Variants in TCTN3 observed in about 807,000 individuals in gnomAD.
TCTN3 encodes the protein tectonic-3.
TCTN3 carries 57 observed loss-of-function variants against 71.3 expected under a neutral mutation model. The ratio of observed to expected loss-of-function variants is 0.80; its 90% confidence interval spans 0.65 to 1.00. The LOEUF is 1.00. Ranked by LOEUF, TCTN3 falls within the 50% of genes least tolerant of loss-of-function variation. The pLI is 0.00. For missense variants in TCTN3, 696 were observed against 719.9 expected (o/e 0.97, Z 0.38); for synonymous variants, 258 against 267.8 (o/e 0.96, Z 0.36).
chr10:95,664,420 C>CAATATGAGATAAAGG, intron 13 of TCTN3, 120 bp from the exon 14 acceptor site: 2 of 827,790 alleles, frequency 2.4e-6, no homozygotes, highest in Non-Finnish European at 3.9e-6. Flanking sequence ...CAAGATATAC[C>CAATATGAGATAAAGG]TTTATCTCAT....
chr10:95,676,252 AT>A, intron 13 of TCTN3, among the ~76,000 whole-genome samples: 1 of 150,072 alleles, frequency 6.7e-6, no homozygotes, highest in East Asian at 1.9e-4. Context: ...AATAGAAAAT[AT>A]CTTTTTTTTT....
At chr10:95,690,704 A>G (rs1042673049) in intron 3 of TCTN3, among the ~76,000 whole-genome samples, 2 of 152,248 alleles carry the variant, frequency 1.3e-5, no homozygotes, top group Non-Finnish European at 2.9e-5. Context: ...CTGGCTAAGA[A>G]GCTGGATGTT....
intron 13 of TCTN3, among the ~76,000 whole-genome samples, chr10:95,668,360 T>A (rs2097927704): frequency 6.6e-6 from 1 of 150,710 alleles, no homozygotes; most frequent in Non-Finnish European, 1.5e-5. Flanking sequence ...GAGTAAAAAA[T>A]TTGGTATAAT....
At chr10:95,674,267 C>A (rs1280011105) in intron 13 of TCTN3, among the ~76,000 whole-genome samples, 2 of 151,958 alleles carry the variant, frequency 1.3e-5, no homozygotes, top group African/African-American at 4.8e-5. Flanking sequence ...CTAAATTGTT[C>A]CTAAGTAATT....
At chr10:95,685,693 C>A in intron 7 of TCTN3, 57 bp from the exon 8 acceptor site, 1 of 1,337,544 alleles carries the variant, frequency 7.5e-7, no homozygotes, top group Non-Finnish European at 1.0e-6. Context: ...TGTCTTGTAT[C>A]TATTAATAGA....
At chr10:95,684,066 T>G (rs1265509995) in intron 9 of TCTN3, among the ~76,000 whole-genome samples, 1 of 152,160 alleles carries the variant, frequency 6.6e-6, no homozygotes, top group African/African-American at 2.4e-5. Context: ...AAATCTATGC[T>G]GGGTTCAAAA....
chr10:95,680,401 G>C, intron 13 of TCTN3, 71 bp downstream of exon 13: 1 of 1,498,848 alleles, frequency 6.7e-7, no homozygotes, highest in Non-Finnish European at 8.9e-7. Flanking sequence ...AAAATTATTT[G>C]GTTAACAAAT....
intron 13 of TCTN3, 65 bp downstream of exon 13, chr10:95,680,407 C>G: frequency 6.6e-7 from 1 of 1,519,898 alleles, no homozygotes; most frequent in Non-Finnish European, 8.8e-7. Flanking sequence ...ATTTGGTTAA[C>G]AAATGACTGA....
chr10:95,679,842 G>A (rs1476879938), intron 13 of TCTN3, among the ~76,000 whole-genome samples: 2 of 151,852 alleles, frequency 1.3e-5, no homozygotes, highest in Admixed American at 6.6e-5. Flanking sequence ...CGCCCGCCTC[G>A]GCCTCCCAAA....
At chr10:95,688,998 A>G (rs2097951267) in intron 3 of TCTN3, among the ~76,000 whole-genome samples, 1 of 152,212 alleles carries the variant, frequency 6.6e-6, no homozygotes, top group African/African-American at 2.4e-5. Flanking sequence ...AGGTTACAAT[A>G]CCTGCATCAT....
intron 3 of TCTN3, among the ~76,000 whole-genome samples, chr10:95,692,048 G>A (rs1330205535): frequency 3.3e-5 from 5 of 152,170 alleles, no homozygotes; most frequent in Admixed American, 2.0e-4. Flanking sequence ...ATTATTTGGT[G>A]CTTACTATGT....
intron 13 of TCTN3, among the ~76,000 whole-genome samples, chr10:95,675,469 AAAAT>A (rs1451705308): frequency 6.6e-6 from 1 of 152,244 alleles, no homozygotes; most frequent in East Asian, 1.9e-4. Flanking sequence ...AAATAATTAA[AAAAT>A]AAACCCCAGC....
At chr10:95,691,838 A>G (rs1355485205) in intron 3 of TCTN3, among the ~76,000 whole-genome samples, 1 of 152,216 alleles carries the variant, frequency 6.6e-6, no homozygotes, top group Non-Finnish European at 1.5e-5. Flanking sequence ...GCGCTTTCAT[A>G]TACAAAGCCA....
intron 13 of TCTN3, among the ~76,000 whole-genome samples, chr10:95,666,455 ATAAACTTTCTTTTGACT>A (rs72026918): frequency 0.17 from 26,588 of 152,100 alleles, 2,402 homozygotes; most frequent in Middle Eastern, 0.22. Flanking sequence ...TGAATAAATA[ATAAACTTTCTTTTGACT>A]TAAACTTACA....
intron 13 of TCTN3, among the ~76,000 whole-genome samples, chr10:95,665,853 A>G (rs2097925121): frequency 6.6e-6 from 1 of 152,054 alleles, no homozygotes; most frequent in Admixed American, 6.5e-5. Flanking sequence ...CCTGGCCTCA[A>G]GTGATCCTCC....
chr10:95,686,555 T>C (rs750276697), intron 6 of TCTN3, 25 bp from the exon 7 acceptor site: 5 of 1,613,494 alleles, frequency 3.1e-6, no homozygotes, highest in Non-Finnish European at 4.2e-6. Context: ...GGGACATGAA[T>C]GTGCATATAC....
chr10:95,690,981 G>A (rs2097952975), intron 3 of TCTN3, among the ~76,000 whole-genome samples: 1 of 152,156 alleles, frequency 6.6e-6, no homozygotes, highest in Non-Finnish European at 1.5e-5. Context: ...TATTGGAAGT[G>A]GCCATATTCC....
chr10:95,693,443 C>T lies in TCTN3; in HGVS notation c.290G>A (p.Gly97Glu). ...GCAGCAGCAATTTATATCGCAGGCT[C>T]CAGGAGTCAAGTCACAGACACAGAT... ...LPICVCDLTP[G>E]ACDINCCCDR... The change falls in exon 2 of 14, where the codon GGA (glycine) becomes GAA (glutamate). Residue 97 changes from glycine (G) to glutamate (E), a missense_variant. Physicochemically the swap from Gly to Glu is moderately conservative, Grantham distance 98. Transcript: ENST00000371217. 2 of 1,552,128 alleles carry T rather than the reference C, an allele frequency of 1.3e-6. No homozygotes were observed. Among genetic ancestry groups the T allele is most frequent in the South Asian group, 1.2e-5 (1 of 84,064 alleles).
chr10:95,692,389 C>T (rs1014870735), intron 3 of TCTN3, among the ~76,000 whole-genome samples: 1 of 151,998 alleles, frequency 6.6e-6, no homozygotes, highest in Admixed American at 6.6e-5. Context: ...ACCCATAGTC[C>T]CAGCTACTCG....
Sources: gnomAD v4.1 joint callset for allele counts (sites outside exome capture counted in the v4.1 genomes callset) on GRCh38, gnomAD v4.1.1 for gene constraint, MANE v1.5 for transcripts, NCBI Gene and HGNC (gene_info 2026-07-23, HGNC 2026-07-21) for gene names.